The following FEZ1 variants were observed in gnomAD, a reference collection of about 807,000 sequenced individuals.
FEZ1 encodes the protein fasciculation and elongation protein zeta-1.
Under a neutral mutation model 49.3 loss-of-function variants are expected in FEZ1, and 20 were observed. That is an observed-to-expected ratio of 0.41 (90% confidence interval 0.29 to 0.59). The LOEUF (loss-of-function observed/expected upper bound fraction) is 0.59. Ranked by LOEUF, FEZ1 falls within the 20% of genes least tolerant of loss-of-function variation. FEZ1 has a pLI of 0.36. For missense variants in FEZ1, 413 were observed against 476.0 expected, an observed-to-expected ratio of 0.87 and a Z score of 1.23; for synonymous variants, 170 against 180.9, an observed-to-expected ratio of 0.94 and a Z score of 0.48.
chr11:125,494,976 C>G (rs1358437376), intron 1 of FEZ1, among the ~76,000 whole-genome samples: 1 of 152,184 alleles, frequency 6.6e-6, no homozygotes, highest in African/African-American at 2.4e-5. Context: ...CATATCCGTC[C>G]CTAAAACCTA....
At chr11:125,490,616 G>T (rs1272043006) in intron 1 of FEZ1, among the ~76,000 whole-genome samples, 3 of 152,000 alleles carry the variant, frequency 2.0e-5, no homozygotes, top group African/African-American at 7.3e-5. Context: ...CCAGCACTTT[G>T]GGAGGTTGAG....
At chr11:125,483,497 A>G (rs113371429) in intron 2 of FEZ1, among the ~76,000 whole-genome samples, 16 of 152,344 alleles carry the variant, frequency 1.1e-4, no homozygotes, top group African/African-American at 3.6e-4. Flanking sequence ...ATCAGGCACT[A>G]TTAGAGCTGC....
intron 2 of FEZ1, among the ~76,000 whole-genome samples, chr11:125,483,238 A>G (rs1480540756): frequency 2.0e-5 from 3 of 152,128 alleles, no homozygotes; most frequent in Non-Finnish European, 4.4e-5. Flanking sequence ...CAGGAATGCG[A>G]CGTGATATAT....
intron 3 of FEZ1, among the ~76,000 whole-genome samples, chr11:125,469,992 G>A (rs1400240200): frequency 6.6e-6 from 1 of 152,068 alleles, no homozygotes; most frequent in Non-Finnish European, 1.5e-5. Flanking sequence ...TAGGATTATA[G>A]GAGTAAACCA....
At chr11:125,487,533 T>C (rs953699287) in intron 2 of FEZ1, among the ~76,000 whole-genome samples, 5 of 152,220 alleles carry the variant, frequency 3.3e-5, no homozygotes, top group African/African-American at 4.8e-5. Context: ...TTTTGACTTA[T>C]AAATGTTGAG....
Position 125,489,804 on chromosome 11 carries a change from A to T in FEZ1, c.-27T>A. 1 of 1,517,050 alleles carries T rather than the reference A, an allele frequency of 6.6e-7. No individual in the cohort carries two copies. The highest frequency in any genetic ancestry group is 8.8e-7 in the Non-Finnish European group (1 of 1,134,678). 94.0% of individuals were successfully genotyped at this position (1,517,050 alleles called of 1,614,324 possible). A position where few individuals can be genotyped will look rare whatever the true frequency, so the allele number is the denominator to read the frequency against. On this transcript the variant is annotated 5_prime_UTR_variant, in exon 2 of 10. Coordinates refer to ENST00000278919, the MANE Select transcript of FEZ1 (RefSeq NM_005103.5). The surrounding 1 kb of genome is among the most constrained non-coding windows in gnomAD (Gnocchi z 4.2). ...CTTGCTCAGCAGGAGAACAACAGCG[A>T]CTTTCAGGATGAGTTTATCTAAAAG...
intron 1 of FEZ1, among the ~76,000 whole-genome samples, chr11:125,492,377 G>C (rs1010910388): frequency 6.6e-6 from 1 of 152,198 alleles, no homozygotes; most frequent in Non-Finnish European, 1.5e-5. Flanking sequence ...ACAAGACTAA[G>C]TATTTTATTT....
chr11:125,492,594 A>T (rs1266781331), intron 1 of FEZ1, among the ~76,000 whole-genome samples: 1 of 152,240 alleles, frequency 6.6e-6, no homozygotes, highest in Non-Finnish European at 1.5e-5. Context: ...GGCTAAGAGC[A>T]TAGGCTTTGG....
chr11:125,479,680 C>T (rs1591597675), intron 3 of FEZ1, among the ~76,000 whole-genome samples: 1 of 152,194 alleles, frequency 6.6e-6, no homozygotes, highest in Admixed American at 6.5e-5. Context: ...CAAGGGAGCA[C>T]TTTAGACCCT....
chr11:125,467,317 G>T (rs1957140096), intron 3 of FEZ1, among the ~76,000 whole-genome samples: 1 of 152,118 alleles, frequency 6.6e-6, no homozygotes, highest in South Asian at 2.1e-4. Context: ...TGGGATTACA[G>T]GTGTGAGCCA....
chr11:125,447,777 A>G lies in FEZ1; in HGVS notation c.1162+725T>C, dbSNP rs376731862. Among the ~76,000 whole-genome samples, 62 of 151,684 alleles carry G rather than the reference A, an allele frequency of 4.1e-4. No individual in the cohort carries two copies. The South Asian group carries it at 7.5e-3, about 18-fold the overall frequency. On this transcript the variant is annotated intron_variant, in intron 9 of 9. Transcript: ENST00000278919. ...GCGGAGGTTGTAGTGAGCTGAGATC[A>G]CGCCATTGCACTCCAGACTGGGTGA...
intron 3 of FEZ1, among the ~76,000 whole-genome samples, chr11:125,467,397 T>C (rs1490889430): frequency 6.6e-6 from 1 of 152,212 alleles, no homozygotes; most frequent in Non-Finnish European, 1.5e-5. Context: ...ATTAAGTCAA[T>C]GGCTGTGCAT....
Position 125,495,380 on chromosome 11 carries a change from T to C in FEZ1, c.-46+741A>G, listed in dbSNP as rs1228761563. 2.1e-6 allele frequency: 1 copy of C among 470,618 alleles called. No homozygotes were observed. Among genetic ancestry groups the C allele is most frequent in the Non-Finnish European group, 4.4e-6 (1 of 226,748 alleles). 29.2% of individuals were successfully genotyped at this position (470,618 alleles called of 1,614,324 possible). A position where few individuals can be genotyped will look rare whatever the true frequency, so the allele number is the denominator to read the frequency against. On this transcript the variant is annotated intron_variant, in intron 1 of 9. Transcript: ENST00000278919. This position sits in a 1 kb window ranked among gnomAD's most constrained non-coding sequence, Gnocchi z 4.2. ...TAGGCAAAAGGGAAGAAGAGCGGGC[T>C]GTGATACCTCCTCGACGCCGTCAAA...
At chr11:125,452,255 T>C (rs937802730) in intron 8 of FEZ1, 79 bp downstream of exon 8, 35 of 968,934 alleles carry the variant, frequency 3.6e-5, no homozygotes, top group Non-Finnish European at 5.6e-5. Flanking sequence ...GTCTCGGGCC[T>C]GCGGCACGGA....
At position 125,457,457 on chromosome 11, in the gene FEZ1, TATACACATATATATGTATATATACAC is replaced by T. The variant is rs1319378939; in HGVS notation, c.668-1377_668-1352del. ...ATATATATATATATATATATGTATA[TATACACATATATATGTATATATACAC>T]ATATATGTGTATATATGTATATATA... is the stretch of plus-strand genomic sequence containing the variant. On this transcript the variant is annotated intron_variant, in intron 5 of 9. Coordinates refer to ENST00000278919, the MANE Select transcript of FEZ1 (RefSeq NM_005103.5). 3.1e-3 allele frequency among the ~76,000 whole-genome samples: 252 copies of T among 82,294 alleles called. 2 individuals carry two copies. Among genetic ancestry groups the T allele is most frequent in the East Asian group, 0.016 (42 of 2,652 alleles). 54.0% of individuals were successfully genotyped at this position (82,294 alleles called of 152,430 possible). A position where few individuals can be genotyped will look rare whatever the true frequency, so the allele number is the denominator to read the frequency against.
intron 4 of FEZ1, among the ~76,000 whole-genome samples, chr11:125,462,108 C>A (rs529753428): frequency 6.6e-6 from 1 of 152,326 alleles, no homozygotes; most frequent in Non-Finnish European, 1.5e-5. Context: ...TCACGTGTTT[C>A]AATTCCCACC....
intron 3 of FEZ1, among the ~76,000 whole-genome samples, chr11:125,475,598 G>A (rs1450041313): frequency 2.6e-5 from 4 of 152,142 alleles, no homozygotes; most frequent in Non-Finnish European, 4.4e-5. Flanking sequence ...TGAAGGGTGG[G>A]AGGAGGGAGA....
chr11:125,454,645 A>G (rs1047115216), intron 6 of FEZ1, among the ~76,000 whole-genome samples: 1 of 152,150 alleles, frequency 6.6e-6, no homozygotes, highest in Admixed American at 6.5e-5. Context: ...AACTAATTCC[A>G]TAGGTCTGTG....
chr11:125,463,994 T>C (rs1207981485), intron 3 of FEZ1, among the ~76,000 whole-genome samples: 1 of 152,164 alleles, frequency 6.6e-6, no homozygotes, highest in Non-Finnish European at 1.5e-5. Context: ...CCAGATTTCG[T>C]CTTACTAGGC....
Sources: gnomAD v4.1 joint callset for allele counts (sites outside exome capture counted in the v4.1 genomes callset) on GRCh38, gnomAD v4.1.1 for gene constraint, Gnocchi (gnomAD v3.1) non-coding constraint, MANE v1.5 for transcripts, NCBI Gene and HGNC (gene_info 2026-07-23, HGNC 2026-07-21) for gene names.